Variants in ZBTB46 observed in about 807,000 individuals in gnomAD.
The protein encoded by ZBTB46 is zinc finger and BTB domain containing 46, also known as zinc finger and BTB domain-containing protein 46.
A neutral mutation model predicts 44.1 loss-of-function variants in ZBTB46; 8 were observed. The observed-to-expected ratio is 0.18, with a 90% CI of 0.11 to 0.33. ZBTB46 has a LOEUF of 0.33. ZBTB46 is among the 10% of genes least tolerant of loss of function. ZBTB46 has a pLI of 1.00. For missense variants in ZBTB46, 651 were observed against 847.7 expected (o/e 0.77, Z 2.88); for synonymous variants, 409 against 382.3 (o/e 1.07, Z -0.81).
upstream of ZBTB46, among the ~76,000 whole-genome samples, chr20:63,832,310 C>T (rs2092856172): frequency 6.6e-6 from 1 of 152,022 alleles, no homozygotes; most frequent in Non-Finnish European, 1.5e-5. This position sits in a 1 kb window ranked among gnomAD's most constrained non-coding sequence, Gnocchi z 5.0. Flanking sequence ...GGCCACCTCG[C>T]TTCCTCTCCC....
chr20:63,796,090 C>T (rs1478471420), intron 1 of ZBTB46, among the ~76,000 whole-genome samples: 2 of 152,224 alleles, frequency 1.3e-5, no homozygotes, highest in South Asian at 2.1e-4. Flanking sequence ...CTGAAGACCG[C>T]GATGAATATA....
At chr20:63,795,682 C>T (rs2092598269) in intron 1 of ZBTB46, among the ~76,000 whole-genome samples, 1 of 152,190 alleles carries the variant, frequency 6.6e-6, no homozygotes. Flanking sequence ...GGCACCAGGT[C>T]GGCCAATCCT....
At chr20:63,802,508 C>G (rs973676112) in intron 1 of ZBTB46, among the ~76,000 whole-genome samples, 3 of 152,038 alleles carry the variant, frequency 2.0e-5, no homozygotes, top group Non-Finnish European at 4.4e-5. Context: ...CAGGTCGGCA[C>G]AAAGCGGCAG....
In ZBTB46 at chr20:63,767,087, G is replaced by A. The variant is rs2092326670; in HGVS notation, c.1222+8591C>T. On this transcript the variant is annotated intron_variant, in intron 3 of 4. Transcript: ENST00000245663. The surrounding 1 kb of genome is among the most constrained non-coding windows in gnomAD (Gnocchi z 5.0). ...GACGAGGACGGGCAAGGGCACCGCG[G>A]GGCGCTCTTTCTGAAAAGCAGCACA... Among the ~76,000 whole-genome samples the A allele has an allele frequency of 6.6e-6, 1 of 152,220 alleles. No homozygotes were observed. The highest frequency in any genetic ancestry group is 1.9e-4 in the East Asian group (1 of 5,194).
chr20:63,803,636 G>C lies in ZBTB46; in HGVS notation c.-33-12846C>G. 1.9e-6 allele frequency: 1 copy of C among 534,994 alleles called. No individual in the cohort carries two copies. The highest frequency in any genetic ancestry group is 2.4e-6 in the Non-Finnish European group (1 of 418,892). 33.1% of individuals were successfully genotyped at this position (534,994 alleles called of 1,614,324 possible). A position where few individuals can be genotyped will look rare whatever the true frequency, so the allele number is the denominator to read the frequency against. ...CCTCCCTGCCCACTGGCCCCTTTCA[G>C]TTCCTTCATCTCCAGCCCGGCTCTG... On this transcript the variant is annotated intron_variant, in intron 1 of 4. Coordinates refer to ENST00000245663, the MANE Select transcript of ZBTB46 (RefSeq NM_001369741.1). This position sits in a 1 kb window ranked among gnomAD's most constrained non-coding sequence, Gnocchi z 4.0.
At chr20:63,806,778 G>A (rs1430813794) in intron 1 of ZBTB46, among the ~76,000 whole-genome samples, 2 of 148,896 alleles carry the variant, frequency 1.3e-5, no homozygotes, top group African/African-American at 2.5e-5. Context: ...CCAGCTAATT[G>A]TTTTGTTTTG....
At chr20:63,760,436 T>C (rs1474782066) in intron 3 of ZBTB46, among the ~76,000 whole-genome samples, 1 of 152,170 alleles carries the variant, frequency 6.6e-6, no homozygotes. Context: ...CAATATCCGT[T>C]GATCACTTTT....
At chr20:63,829,462 C>A (rs554670797) in intron 1 of ZBTB46, among the ~76,000 whole-genome samples, 15 of 152,382 alleles carry the variant, frequency 9.8e-5, no homozygotes, top group African/African-American at 3.6e-4. Flanking sequence ...GTGCATTCCA[C>A]GCCCCAAGGA....
At chr20:63,777,125 G>A (rs1423737971) in intron 2 of ZBTB46, among the ~76,000 whole-genome samples, 6 of 54,262 alleles carry the variant, frequency 1.1e-4, no homozygotes, top group Admixed American at 1.8e-4. Context: ...TCCACCACAC[G>A]CCACGGTTCC....
chr20:63,827,834 T>G (rs1213131025), intron 1 of ZBTB46, among the ~76,000 whole-genome samples: 2 of 152,228 alleles, frequency 1.3e-5, no homozygotes, highest in Non-Finnish European at 2.9e-5. Context: ...ACAGAACACT[T>G]TGCATAAATC....
intron 4 of ZBTB46, among the ~76,000 whole-genome samples, chr20:63,750,397 CT>C (rs893559510): frequency 1.9e-3 from 280 of 144,606 alleles, no homozygotes; most frequent in Non-Finnish European, 2.2e-3. Flanking sequence ...ACTTGGCTAA[CT>C]TTTTTTTTTT....
At chr20:63,759,053 G>A (rs765601968) in intron 3 of ZBTB46, among the ~76,000 whole-genome samples, 15 of 152,070 alleles carry the variant, frequency 9.9e-5, no homozygotes, top group Non-Finnish European at 1.6e-4. Flanking sequence ...CTTAACAATA[G>A]TGAGTCTTCT....
At chr20:63,783,098 C>A (rs1391078888) in intron 2 of ZBTB46, among the ~76,000 whole-genome samples, 1 of 151,954 alleles carries the variant, frequency 6.6e-6, no homozygotes, top group Admixed American at 6.6e-5. Flanking sequence ...CCACTGCACT[C>A]CAGCCTGGGC....
chr20:63,791,151 C>A (rs76484331), intron 1 of ZBTB46, among the ~76,000 whole-genome samples: 5,952 of 152,318 alleles, frequency 0.039, 142 homozygotes, highest in Non-Finnish European at 0.055. Flanking sequence ...GTTAAATGAC[C>A]TACACTGTGG....
intron 1 of ZBTB46, among the ~76,000 whole-genome samples, chr20:63,813,271 A>C (rs893158710): frequency 1.3e-5 from 2 of 151,772 alleles, no homozygotes; most frequent in Non-Finnish European, 2.9e-5. Context: ...CAACATGGTG[A>C]AACCTCGTCT....
At chr20:63,796,568 G>A (rs577834183) in intron 1 of ZBTB46, among the ~76,000 whole-genome samples, 1 of 152,226 alleles carries the variant, frequency 6.6e-6, no homozygotes, top group Non-Finnish European at 1.5e-5. Flanking sequence ...GCGCACGCCT[G>A]TCATCCCAGC....
At chr20:63,776,033 A>G (rs1187441363) in intron 2 of ZBTB46, 71 bp from the exon 3 acceptor site, 22 of 1,477,886 alleles carry the variant, frequency 1.5e-5, no homozygotes, top group Non-Finnish European at 1.8e-5. Flanking sequence ...CAGGCGACAC[A>G]TTTAGAAGGA....
rs1477008834 is a variant in ZBTB46, at chr20:63,752,670, C to A, written c.1398+16G>T. ...CCACGCGCAGCGCGCGGCACGCGGACCCTCCCCGCACTCACCAGCGTGTGG... is the reference window on the plus strand; with the variant it reads ...CCACGCGCAGCGCGCGGCACGCGGAACCTCCCCGCACTCACCAGCGTGTGG... On this transcript the variant is annotated intron_variant, in intron 4 of 4. Coordinates refer to ENST00000245663, the MANE Select transcript of ZBTB46 (RefSeq NM_001369741.1). The surrounding 1 kb of genome is among the most constrained non-coding windows in gnomAD (Gnocchi z 5.6). 6.5e-7 allele frequency: 1 copy of A among 1,531,286 alleles called. No individual in the cohort carries two copies. Among genetic ancestry groups the A allele is most frequent in the Non-Finnish European group, 8.8e-7 (1 of 1,138,522 alleles). The allele number at this position is 1,531,286 out of a possible 1,614,324, so 94.9% of individuals were successfully genotyped here.
chr20:63,781,574 T>C (rs1174084796), intron 2 of ZBTB46, among the ~76,000 whole-genome samples: 1 of 152,166 alleles, frequency 6.6e-6, no homozygotes, highest in Non-Finnish European at 1.5e-5. Flanking sequence ...GCGGATCACC[T>C]GAGGTCAGGA....
Sources: allele counts gnomAD v4.1 joint callset (sites outside exome capture counted in the v4.1 genomes callset), GRCh38; gene constraint gnomAD v4.1.1; non-coding constraint Gnocchi (gnomAD v3.1); transcripts MANE v1.5; gene names NCBI Gene and HGNC (gene_info 2026-07-23, HGNC 2026-07-21).